Variants in ADAMTS19 observed in about 807,000 individuals in gnomAD.
The protein encoded by ADAMTS19 is A disintegrin and metalloproteinase with thrombospondin motifs 19.
Under a neutral mutation model 153.3 loss-of-function variants are expected in ADAMTS19, and 93 were observed. The ratio of observed to expected loss-of-function variants is 0.61; its 90% CI spans 0.51 to 0.72. ADAMTS19 has a LOEUF of 0.72. Among genes scored for constraint, ADAMTS19 ranks in the 30% least tolerant of loss-of-function variants. The pLI is 0.00. For missense variants in ADAMTS19, 1,482 were observed against 1,552.1 expected (o/e 0.95, Z 0.76); for synonymous variants, 600 against 556.6 (o/e 1.08, Z -1.10).
At chr5:129,488,591 A>C (rs1750670153) in intron 2 of ADAMTS19, among the ~76,000 whole-genome samples, 1 of 152,074 alleles carries the variant, frequency 6.6e-6, no homozygotes, top group South Asian at 2.1e-4. Flanking sequence ...TTATAGTCTC[A>C]GTTTACTACC....
At chr5:129,613,370 G>C (rs1307639081) in intron 8 of ADAMTS19, among the ~76,000 whole-genome samples, 2 of 152,092 alleles carry the variant, frequency 1.3e-5, no homozygotes, top group Admixed American at 1.3e-4. Context: ...TAGAACTCAG[G>C]ATTAAGAAAC....
chr5:129,702,941 A>AAAAATATATATATAT, intron 20 of ADAMTS19, among the ~76,000 whole-genome samples: 9 of 29,302 alleles, frequency 3.1e-4, no homozygotes, highest in African/African-American at 5.1e-4. Flanking sequence ...AAAAAAAAAA[A>AAAAATATATATATAT]ATATATATAT....
At chr5:129,513,731 A>G (rs1751509351) in intron 3 of ADAMTS19, among the ~76,000 whole-genome samples, 1 of 152,066 alleles carries the variant, frequency 6.6e-6, no homozygotes, top group African/African-American at 2.4e-5. Flanking sequence ...TGAAACAAGC[A>G]CATGATGGCA....
chr5:129,461,351 C>G lies in ADAMTS19; in HGVS notation c.341C>G (p.Pro114Arg). 7.5e-7 allele frequency: 1 copy of G among 1,333,658 alleles called. No individual in the cohort carries two copies. 82.6% of individuals were successfully genotyped at this position (1,333,658 alleles called of 1,614,324 possible). ...RSESRLRPPP[P>R]SEGEEDEELE... ...GAGTCCCGGCTCCGGCCCCCGCCGCCGTCGGAGGGTGAGGAGGACGAGGAG... is the reference window on the plus strand; with the variant it reads ...GAGTCCCGGCTCCGGCCCCCGCCGCGGTCGGAGGGTGAGGAGGACGAGGAG... The change falls in exon 2 of 23, where the codon CCG becomes CGG. Residue 114 changes from proline (P) to arginine (R), a missense_variant. Physicochemically the swap from Pro to Arg is moderately radical, Grantham distance 103. This residue lies in a region of ADAMTS19 where 866 missense variants were observed against 827.7 expected (regional missense o/e 1.05). Transcript: ENST00000274487. The surrounding 1 kb of genome is among the most constrained non-coding windows in gnomAD (Gnocchi z 4.6).
At chr5:129,690,504 G>T (rs1755284665) in intron 18 of ADAMTS19, among the ~76,000 whole-genome samples, 1 of 152,034 alleles carries the variant, frequency 6.6e-6, no homozygotes, top group African/African-American at 2.4e-5. Flanking sequence ...TATATTAGGT[G>T]TTGTGAACAA....
chr5:129,504,640 T>A (rs1410699425), intron 2 of ADAMTS19, among the ~76,000 whole-genome samples: 1 of 152,102 alleles, frequency 6.6e-6, no homozygotes, highest in Non-Finnish European at 1.5e-5. Context: ...TTTTGGATCC[T>A]TTAACCAACA....
chr5:129,650,660 C>T (rs958627472), intron 13 of ADAMTS19, among the ~76,000 whole-genome samples: 1 of 152,158 alleles, frequency 6.6e-6, no homozygotes, highest in East Asian at 1.9e-4. Context: ...CTTCCTCTTT[C>T]AGCTATCTTA....
chr5:129,536,260 C>G (rs1752419439), intron 6 of ADAMTS19, among the ~76,000 whole-genome samples: 1 of 152,114 alleles, frequency 6.6e-6, no homozygotes, highest in African/African-American at 2.4e-5. Flanking sequence ...AGTATATGAA[C>G]AGACACTTCT....
chr5:129,549,273 T>C (rs1752979645), intron 6 of ADAMTS19, among the ~76,000 whole-genome samples: 1 of 150,770 alleles, frequency 6.6e-6, no homozygotes, highest in Non-Finnish European at 1.5e-5. Context: ...ATATCAATAA[T>C]AGAAAAGGAT....
intron 7 of ADAMTS19, among the ~76,000 whole-genome samples, chr5:129,558,057 T>C (rs1315222955): frequency 9.8e-6 from 1 of 101,988 alleles, no homozygotes; most frequent in African/African-American, 3.8e-5. Context: ...AACACATTCA[T>C]GATAAAAACT....
chr5:129,509,087 T>C lies in ADAMTS19; in HGVS notation c.758T>C (p.Ile253Thr), dbSNP rs767303992. ...STCGGGLMGF[I>T]QLNEDFIFIE... is the part of the protein sequence containing the mutation. Reference sequence around the variant, plus strand: ...TGTTATATATTCCAGATGGGATTTATACAGCTCAATGAGGACTTCATATTT... The same window carrying C: ...TGTTATATATTCCAGATGGGATTTACACAGCTCAATGAGGACTTCATATTT... Residue 253 changes from isoleucine to threonine, a missense_variant, in exon 3 of 23, where the codon ATA (isoleucine) becomes ACA (threonine). Transcript: ENST00000274487. The C allele has an allele frequency of 6.8e-6, 11 of 1,607,096 alleles. No homozygotes were observed. Among genetic ancestry groups the C allele is most frequent in the Non-Finnish European group, 9.3e-6 (11 of 1,176,698 alleles).
chr5:129,608,746 T>C (rs1210251707), intron 8 of ADAMTS19, among the ~76,000 whole-genome samples: 1 of 151,290 alleles, frequency 6.6e-6, no homozygotes, highest in African/African-American at 2.4e-5. Context: ...CCATGCCAGC[T>C]TGAGACCTGA....
chr5:129,603,317 A>G (rs1750749818), intron 8 of ADAMTS19, among the ~76,000 whole-genome samples: 1 of 152,102 alleles, frequency 6.6e-6, no homozygotes, highest in South Asian at 2.1e-4. Context: ...ATACTTGCAT[A>G]TTTTTGTCCT....
At chr5:129,683,798 G>T (rs1754937786) in intron 17 of ADAMTS19, among the ~76,000 whole-genome samples, 1 of 149,834 alleles carries the variant, frequency 6.7e-6, no homozygotes, top group Non-Finnish European at 1.5e-5. Flanking sequence ...CTATGCTTTG[G>T]GAAACTGTCT....
intron 8 of ADAMTS19, among the ~76,000 whole-genome samples, chr5:129,598,212 T>C (rs1023627766): frequency 2.6e-5 from 4 of 152,200 alleles, no homozygotes; most frequent in African/African-American, 4.8e-5. Context: ...ACAGCCCATA[T>C]GGCAACCATT....
chr5:129,496,850 T>C (rs1383935873), intron 2 of ADAMTS19, among the ~76,000 whole-genome samples: 2 of 152,112 alleles, frequency 1.3e-5, no homozygotes, highest in East Asian at 3.9e-4. Context: ...GAAGCCACCT[T>C]TCTGGTTAAG....
intron 7 of ADAMTS19, among the ~76,000 whole-genome samples, chr5:129,554,596 A>C (rs1753249639): frequency 6.6e-6 from 1 of 152,160 alleles, no homozygotes; most frequent in Non-Finnish European, 1.5e-5. Context: ...CATATACTGC[A>C]GAATGAAGAG....
chr5:129,509,373 A>G (rs113073954), intron 3 of ADAMTS19, 131 bp downstream of exon 3: 2 of 849,670 alleles, frequency 2.4e-6, no homozygotes, highest in African/African-American at 1.7e-5. Context: ...TAACAATTAA[A>G]TGTATCAATT....
intron 11 of ADAMTS19, among the ~76,000 whole-genome samples, chr5:129,644,449 T>C (rs1249972280): frequency 6.6e-6 from 1 of 152,236 alleles, no homozygotes; most frequent in Admixed American, 6.5e-5. Flanking sequence ...ACTCTAGTGA[T>C]ATTAATCAAA....
Sources: allele counts gnomAD v4.1 joint callset (sites outside exome capture counted in the v4.1 genomes callset), GRCh38; gene constraint gnomAD v4.1.1; regional missense constraint gnomAD v4.1.1; non-coding constraint Gnocchi (gnomAD v3.1); transcripts MANE v1.5; gene names NCBI Gene and HGNC (gene_info 2026-07-23, HGNC 2026-07-21).